The following NTRK2 variants were observed in gnomAD, a reference collection of about 807,000 sequenced individuals.
NTRK2 encodes BDNF/NT-3 growth factors receptor.
NTRK2 carries 13 observed loss-of-function variants against 94.5 expected under a neutral mutation model. That is an observed-to-expected ratio of 0.14 (90% CI 0.09 to 0.22). The LOEUF is 0.22. Among genes scored for constraint, NTRK2 ranks in the 10% least tolerant of loss-of-function variants. The pLI is 1.00. For synonymous variants in NTRK2, 372 were observed against 407.4 expected (o/e 0.91, Z 1.05); for missense variants, 639 against 1,071.2 (o/e 0.60, Z 5.63).
At chr9:84,675,324 C>CTTT (rs536445167) in intron 2 of NTRK2, among the ~76,000 whole-genome samples, 10 of 67,320 alleles carry the variant, frequency 1.5e-4, no homozygotes, top group East Asian at 5.3e-4. Flanking sequence ...TCTTTCTTTC[C>CTTT]TTTTTTTTTT....
intron 14 of NTRK2, among the ~76,000 whole-genome samples, chr9:84,868,409 A>C (rs1449529572): frequency 6.6e-6 from 1 of 152,162 alleles, no homozygotes; most frequent in African/African-American, 2.4e-5. Flanking sequence ...AGATCTGTGC[A>C]TATATAAGGA....
At chr9:84,963,552 A>G (rs1342336215) in intron 17 of NTRK2, among the ~76,000 whole-genome samples, 2 of 152,106 alleles carry the variant, frequency 1.3e-5, no homozygotes, top group African/African-American at 2.4e-5. Context: ...GTCTTGGGCA[A>G]TTTGATTATG....
intron 2 of NTRK2, 109 bp from the exon 3 acceptor site, chr9:84,702,050 G>A: frequency 2.2e-6 from 2 of 908,770 alleles, no homozygotes; most frequent in Non-Finnish European, 3.6e-6. Context: ...AAGGCTCAGA[G>A]TGGTGTGGAG....
Position 84,849,332 on chromosome 9 carries a change from T to C in NTRK2, c.1397-11708T>C, listed in dbSNP as rs1010305243. Reference sequence around the variant, plus strand: ...AGGACTGACTATTCAATTTTCTGCCTAGAAGTGCTGGGTCATTTCTGCTTA... The same window carrying C: ...AGGACTGACTATTCAATTTTCTGCCCAGAAGTGCTGGGTCATTTCTGCTTA... On this transcript the variant is annotated intron_variant, in intron 12 of 18. Transcript: ENST00000277120. 5.3e-5 allele frequency among the ~76,000 whole-genome samples: 8 copies of C among 152,264 alleles called. No individual in the cohort carries two copies. In the East Asian group the frequency reaches 1.5e-3, roughly 29 times the overall value.
chr9:84,824,532 G>A (rs995800312), intron 12 of NTRK2, among the ~76,000 whole-genome samples: 3 of 152,214 alleles, frequency 2.0e-5, no homozygotes, highest in South Asian at 2.1e-4. Context: ...CAGAGGTGGG[G>A]CAGCCCAACA....
intron 12 of NTRK2, among the ~76,000 whole-genome samples, chr9:84,819,864 C>T (rs1225120491): frequency 1.3e-5 from 2 of 152,160 alleles, no homozygotes; most frequent in Non-Finnish European, 2.9e-5. Flanking sequence ...TGTTTCTTTA[C>T]CCCGCCCGCA....
At chr9:84,945,170 G>T (rs1419222717) in intron 15 of NTRK2, among the ~76,000 whole-genome samples, 2 of 152,136 alleles carry the variant, frequency 1.3e-5, no homozygotes, top group Non-Finnish European at 2.9e-5. Context: ...TTCTTTTCCT[G>T]GTCCGTCTTT....
intron 12 of NTRK2, among the ~76,000 whole-genome samples, chr9:84,856,062 A>G (rs913411051): frequency 2.6e-4 from 40 of 152,336 alleles, no homozygotes; most frequent in African/African-American, 9.4e-4. Flanking sequence ...TTCAGAGAAC[A>G]GTTAGGAGGT....
chr9:84,829,032 C>T (rs892002619), intron 12 of NTRK2, among the ~76,000 whole-genome samples: 3 of 151,176 alleles, frequency 2.0e-5, no homozygotes, highest in Non-Finnish European at 4.4e-5. Flanking sequence ...GGGTCTTACT[C>T]TTGTCACCCA....
At position 84,861,010 on chromosome 9, in the gene NTRK2, G is replaced by A. The variant is rs751070399; in HGVS notation, c.1397-30G>A. ...CTCCGGTTTCTACTTCTCTTTCGAAGTTTATTTTATGTTTTGTTGTGGTTT... is the reference window on the plus strand; with the variant it reads ...CTCCGGTTTCTACTTCTCTTTCGAAATTTATTTTATGTTTTGTTGTGGTTT... On this transcript the variant is annotated intron_variant, in intron 12 of 18. Transcript: ENST00000277120. 7 of 1,608,704 alleles carry A rather than the reference G, an allele frequency of 4.4e-6. No homozygotes were observed. The South Asian group carries it at 7.7e-5, about 18-fold the overall frequency.
chr9:84,863,855 T>C (rs903252070), intron 13 of NTRK2, among the ~76,000 whole-genome samples: 9 of 152,214 alleles, frequency 5.9e-5, no homozygotes, highest in Non-Finnish European at 1.2e-4. Flanking sequence ...GTGAAAAGGC[T>C]TTTGAAAAAT....
At chr9:84,804,295 T>G (rs555260922) in intron 12 of NTRK2, among the ~76,000 whole-genome samples, 1 of 152,252 alleles carries the variant, frequency 6.6e-6, no homozygotes, top group East Asian at 1.9e-4. Context: ...AAATTTCTCC[T>G]CCTCCTCTTC....
intron 17 of NTRK2, among the ~76,000 whole-genome samples, chr9:84,965,380 AGAGACGTAAAT>A (rs2133083814): frequency 6.6e-6 from 1 of 152,346 alleles, no homozygotes; most frequent in African/African-American, 2.4e-5. Flanking sequence ...CCTGGGGAGA[AGAGACGTAAAT>A]GAATCACTCT....
At chr9:84,935,905 TG>T (rs1000835587) in intron 15 of NTRK2, among the ~76,000 whole-genome samples, 1 of 152,208 alleles carries the variant, frequency 6.6e-6, no homozygotes, top group Non-Finnish European at 1.5e-5. Context: ...GCTCTATTTT[TG>T]TAAATTCATA....
chr9:84,830,891 G>T (rs4877883), intron 12 of NTRK2, among the ~76,000 whole-genome samples: 7,041 of 152,030 alleles, frequency 0.046, 207 homozygotes, highest in Admixed American at 0.089. Context: ...ATTTCATTTA[G>T]TTTTCCTAAT....
chr9:84,862,982 G>T (rs532122038), intron 13 of NTRK2, among the ~76,000 whole-genome samples: 238 of 152,214 alleles, frequency 1.6e-3, no homozygotes, highest in African/African-American at 5.6e-3. Flanking sequence ...GTTGTCTCTG[G>T]ATTGGTTGGT....
intron 12 of NTRK2, among the ~76,000 whole-genome samples, chr9:84,756,197 T>G (rs538082962): frequency 6.6e-6 from 1 of 152,338 alleles, no homozygotes; most frequent in South Asian, 2.1e-4. Context: ...TAATTTTAGT[T>G]TTCACTGAAG....
intron 17 of NTRK2, among the ~76,000 whole-genome samples, chr9:85,007,070 G>A (rs1479037129): frequency 6.6e-6 from 1 of 152,258 alleles, no homozygotes; most frequent in Non-Finnish European, 1.5e-5. Flanking sequence ...GGACTGTGCT[G>A]TCTCCCATGA....
chr9:84,912,874 C>G (rs1302322360), intron 14 of NTRK2, among the ~76,000 whole-genome samples: 2 of 152,248 alleles, frequency 1.3e-5, no homozygotes, highest in East Asian at 3.9e-4. Context: ...CCTCGGCCTC[C>G]CAAAGTGCTG....
Sources: allele counts gnomAD v4.1 joint callset (sites outside exome capture counted in the v4.1 genomes callset), GRCh38; gene constraint gnomAD v4.1.1; transcripts MANE v1.5; gene names NCBI Gene and HGNC (gene_info 2026-07-23, HGNC 2026-07-21).